Variants in OSBPL10 observed in about 807,000 individuals in gnomAD.
OSBPL10 encodes the protein oxysterol-binding protein-related protein 10.
In OSBPL10, 49 loss-of-function variants were observed where a neutral mutation model predicts 81.7. The ratio of observed to expected loss-of-function variants is 0.60; its 90% CI spans 0.48 to 0.76. The LOEUF is 0.76. OSBPL10 is among the 30% of genes least tolerant of loss of function. The probability of loss-of-function intolerance (pLI) is 0.00; values close to 1 mark genes in which losing one functional copy is unlikely to be tolerated. For missense variants in OSBPL10, 923 were observed against 987.8 expected (o/e 0.93, Z 0.88); for synonymous variants, 419 against 383.6 (o/e 1.09, Z -1.08).
chr3:31,812,097 G>A (rs1197960913), intron 4 of OSBPL10, among the ~76,000 whole-genome samples: 9 of 152,022 alleles, frequency 5.9e-5, no homozygotes, highest in Non-Finnish European at 1.0e-4. Context: ...TCGCGATCTC[G>A]GCTCACTGCA....
chr3:32,044,313 C>G (rs919238749), intron 2 of OSBPL10, among the ~76,000 whole-genome samples: 1 of 150,064 alleles, frequency 6.7e-6, no homozygotes, highest in African/African-American at 2.4e-5. Flanking sequence ...TCACTTCTGG[C>G]TAAACCTTAA....
chr3:31,982,120 G>A (rs780434040), upstream of OSBPL10, among the ~76,000 whole-genome samples: 1 of 152,148 alleles, frequency 6.6e-6, no homozygotes, highest in African/African-American at 2.4e-5. Context: ...CACACTGCAC[G>A]TGCACCTAGG....
chr3:31,882,172 G>C (rs1467280920), intron 1 of OSBPL10, among the ~76,000 whole-genome samples: 1 of 152,152 alleles, frequency 6.6e-6, no homozygotes, highest in Non-Finnish European at 1.5e-5. Flanking sequence ...TGACTGCCCG[G>C]GTGGCAGTCC....
At chr3:31,900,744 T>G (rs1185036333) in intron 1 of OSBPL10, among the ~76,000 whole-genome samples, 1 of 152,252 alleles carries the variant, frequency 6.6e-6, no homozygotes, top group African/African-American at 2.4e-5. Flanking sequence ...GAGGATCACT[T>G]TTTCTGTTTC....
intron 9 of OSBPL10, among the ~76,000 whole-genome samples, chr3:31,669,115 A>G (rs895071828): frequency 6.6e-6 from 1 of 152,172 alleles, no homozygotes; most frequent in Admixed American, 6.5e-5. Flanking sequence ...ACTGGGATGA[A>G]AATCAGGCAA....
intron 5 of OSBPL10, among the ~76,000 whole-genome samples, chr3:31,742,981 T>C (rs149440728): frequency 1.8e-4 from 27 of 150,452 alleles, no homozygotes; most frequent in Admixed American, 3.3e-4. Flanking sequence ...GAGCCACCAG[T>C]AATGGTAAAA....
At chr3:31,686,020 T>C (rs1700783759) in intron 7 of OSBPL10, among the ~76,000 whole-genome samples, 1 of 152,202 alleles carries the variant, frequency 6.6e-6, no homozygotes, top group South Asian at 2.1e-4. Flanking sequence ...CTCTCAGGAC[T>C]GAATTAGGGA....
chr3:31,711,504 C>G (rs1045501987), intron 6 of OSBPL10, among the ~76,000 whole-genome samples: 9 of 152,190 alleles, frequency 5.9e-5, no homozygotes, highest in Non-Finnish European at 1.5e-5. Context: ...TGGTTTATAA[C>G]AGATGTACAG....
intron 4 of OSBPL10, among the ~76,000 whole-genome samples, chr3:31,766,235 T>A (rs1698188630): frequency 6.6e-6 from 1 of 151,942 alleles, no homozygotes; most frequent in Non-Finnish European, 1.5e-5. Context: ...ACAGTGGCCA[T>A]GTGACACACC....
intron 3 of OSBPL10, among the ~76,000 whole-genome samples, chr3:31,834,594 A>G (rs139490040): frequency 1.3e-5 from 2 of 152,360 alleles, no homozygotes; most frequent in East Asian, 3.9e-4. Flanking sequence ...CCAAGGTTGC[A>G]AAGAGAAGAC....
At chr3:32,009,926 G>A (rs890942721) in intron 2 of OSBPL10, among the ~76,000 whole-genome samples, 33 of 152,286 alleles carry the variant, frequency 2.2e-4, no homozygotes, top group Admixed American at 1.0e-3. Flanking sequence ...TGAAGCATTC[G>A]TTATAGGCTG....
chr3:31,684,975 CT>C (rs1169178796), intron 7 of OSBPL10, among the ~76,000 whole-genome samples: 15 of 152,224 alleles, frequency 9.9e-5, no homozygotes, highest in Non-Finnish European at 1.5e-4. Context: ...ACAGAGACTC[CT>C]CATTGATCCA....
At chr3:31,673,720 C>T (rs538333330) in intron 8 of OSBPL10, among the ~76,000 whole-genome samples, 2 of 152,250 alleles carry the variant, frequency 1.3e-5, no homozygotes, top group South Asian at 2.1e-4. Context: ...CAATAGAAAC[C>T]GTGCTTTGAA....
chr3:31,823,884 C>T (rs7647674), intron 4 of OSBPL10, among the ~76,000 whole-genome samples: 27,751 of 151,172 alleles, frequency 0.18, 2,709 homozygotes, highest in Middle Eastern at 0.23. Context: ...TGGAGTTTGG[C>T]TCTATCACCT....
At chr3:31,865,217 A>G (rs1460081309) in intron 3 of OSBPL10, among the ~76,000 whole-genome samples, 1 of 152,248 alleles carries the variant, frequency 6.6e-6, no homozygotes, top group Non-Finnish European at 1.5e-5. Context: ...AAGCTTTACC[A>G]GCTCTATCCA....
At chr3:31,678,498 A>G (rs986865516) in intron 8 of OSBPL10, among the ~76,000 whole-genome samples, 7 of 152,194 alleles carry the variant, frequency 4.6e-5, no homozygotes, top group Non-Finnish European at 1.0e-4. Context: ...TTTGGTAGAG[A>G]AGGAAGGATC....
At chr3:31,898,675 T>C (rs1421291387) in intron 1 of OSBPL10, among the ~76,000 whole-genome samples, 1 of 151,970 alleles carries the variant, frequency 6.6e-6, no homozygotes, top group Non-Finnish European at 1.5e-5. Flanking sequence ...AAACATAATT[T>C]ACCACTAAGG....
chr3:31,779,947 A>G (rs1479968554), intron 4 of OSBPL10, among the ~76,000 whole-genome samples: 1 of 152,228 alleles, frequency 6.6e-6, no homozygotes, highest in Non-Finnish European at 1.5e-5. Flanking sequence ...GCTCCTGAAT[A>G]ATCTTTGAGT....
At chr3:32,003,045 G>T (rs529089905) in intron 2 of OSBPL10, among the ~76,000 whole-genome samples, 3 of 152,232 alleles carry the variant, frequency 2.0e-5, no homozygotes, top group African/African-American at 7.2e-5. Flanking sequence ...GAAGCTGGCC[G>T]AACGAAAGTG....
Sources: gnomAD v4.1 joint callset for allele counts (sites outside exome capture counted in the v4.1 genomes callset) on GRCh38, gnomAD v4.1.1 for gene constraint, MANE v1.5 for transcripts, NCBI Gene and HGNC (gene_info 2026-07-23, HGNC 2026-07-21) for gene names.